The following THSD4 variants were observed in gnomAD, a reference collection of about 807,000 sequenced individuals.
THSD4 encodes the protein thrombospondin type 1 domain containing 4.
A neutral mutation model predicts 119.0 loss-of-function variants in THSD4; 69 were observed. That is an observed-to-expected ratio of 0.58 (90% CI 0.48 to 0.71). The LOEUF (loss-of-function observed/expected upper bound fraction) is 0.71. THSD4 is among the 30% of genes least tolerant of loss of function. THSD4 has a pLI of 0.00. For missense variants in THSD4, 1,393 were observed against 1,391.1 expected (o/e 1.00, Z -0.02); for synonymous variants, 524 against 540.4 (o/e 0.97, Z 0.42).
intron 6 of THSD4, among the ~76,000 whole-genome samples, chr15:71,374,586 A>G (rs1233617395): frequency 1.3e-5 from 2 of 152,190 alleles, no homozygotes; most frequent in Non-Finnish European, 2.9e-5. Flanking sequence ...CCTCTACCTC[A>G]TCAGAGCTCT....
At chr15:71,294,397 C>T (rs141441243) in intron 6 of THSD4, among the ~76,000 whole-genome samples, 7 of 152,262 alleles carry the variant, frequency 4.6e-5, no homozygotes, top group African/African-American at 9.6e-5. Context: ...CTGAGTTGGA[C>T]GGGTCCCTTC....
At position 71,755,979 on chromosome 15, in the gene THSD4, T is replaced by C. The variant is rs971195272; in HGVS notation, c.2416-1923T>C. On this transcript the variant is annotated intron_variant, in intron 14 of 17. Transcript: ENST00000261862. ...AGCCTTTTATGTGATCAGGGAATAA[T>C]AGCCACTCTGAGTCTGTCCAGAAGG... 5.3e-5 allele frequency among the ~76,000 whole-genome samples: 8 copies of C among 152,278 alleles called. No homozygotes were observed. In the South Asian group the frequency reaches 1.7e-3, roughly 32 times the overall value.
chr15:71,367,775 T>C (rs908181800), intron 6 of THSD4, among the ~76,000 whole-genome samples: 8 of 152,240 alleles, frequency 5.3e-5, no homozygotes, highest in Non-Finnish European at 8.8e-5. Context: ...GCAGCATGAT[T>C]GATAATGCTT....
intron 3 of THSD4, among the ~76,000 whole-genome samples, chr15:71,172,702 T>TATATATATATGTGAC (rs2043388036): frequency 9.7e-6 from 1 of 103,070 alleles, no homozygotes; most frequent in African/African-American, 5.0e-5. Flanking sequence ...TATATATATA[T>TATATATATATGTGAC]ATATATATAT....
chr15:71,191,282 G>A (rs1045449610), intron 3 of THSD4, among the ~76,000 whole-genome samples: 3 of 152,106 alleles, frequency 2.0e-5, no homozygotes, highest in African/African-American at 4.8e-5. Flanking sequence ...AACAGTGTCT[G>A]TAGAACTTCT....
intron 6 of THSD4, among the ~76,000 whole-genome samples, chr15:71,380,616 G>A (rs1379270277): frequency 6.6e-6 from 1 of 152,040 alleles, no homozygotes; most frequent in East Asian, 1.9e-4. Flanking sequence ...GGAACTTGAG[G>A]CAGTTCAATA....
chr15:71,572,701 C>A (rs1354734803), intron 7 of THSD4, among the ~76,000 whole-genome samples: 1 of 152,076 alleles, frequency 6.6e-6, no homozygotes. Context: ...TCTTAGGATT[C>A]TGTGTGTTTT....
intron 7 of THSD4, among the ~76,000 whole-genome samples, chr15:71,414,566 A>G (rs1243896935): frequency 6.6e-6 from 1 of 152,222 alleles, no homozygotes; most frequent in Non-Finnish European, 1.5e-5. Context: ...AAGAGCCAGA[A>G]ATATAAATAT....
In THSD4 at chr15:71,629,945, G is replaced by A. The variant is rs72742739; in HGVS notation, c.1153-30585G>A. 2.0e-3 allele frequency among the ~76,000 whole-genome samples: 303 copies of A among 152,246 alleles called. 4 individuals carry two copies. The highest frequency in any genetic ancestry group is 2.6e-3 in the Non-Finnish European group (174 of 68,018). ...AGGCGCCTTTGTACCCGCAAGCCAC[G>A]TGGCCAGGCCCTTGTGTGCTCAGAG... On this transcript the variant is annotated intron_variant, in intron 7 of 17. Coordinates refer to ENST00000261862, the MANE Select transcript of THSD4 (RefSeq NM_024817.3).
At chr15:71,441,933 A>G (rs2047100687) in intron 7 of THSD4, among the ~76,000 whole-genome samples, 1 of 152,070 alleles carries the variant, frequency 6.6e-6, no homozygotes, top group African/African-American at 2.4e-5. Flanking sequence ...GCTAAATGGT[A>G]GCCCTTGTTG....
chr15:71,416,267 T>C (rs2046758236), intron 7 of THSD4, among the ~76,000 whole-genome samples: 1 of 112,192 alleles, frequency 8.9e-6, no homozygotes, highest in African/African-American at 3.0e-5. Context: ...GACACTCAAG[T>C]TGATGCAAAT....
chr15:71,535,746 G>A (rs2048681322), intron 7 of THSD4, among the ~76,000 whole-genome samples: 1 of 152,116 alleles, frequency 6.6e-6, no homozygotes, highest in Non-Finnish European at 1.5e-5. Context: ...CTGGAGAAAT[G>A]TCTATTCAAA....
rs186727065 is a variant in THSD4 at position 71,368,845 on chromosome 15, G to A, written c.1016-42842G>A. 2.7e-3 allele frequency among the ~76,000 whole-genome samples: 410 copies of A among 152,266 alleles called. 2 individuals carry two copies. Among genetic ancestry groups the A allele is most frequent in the African/African-American group, 7.4e-3 (308 of 41,536 alleles). On this transcript the variant is annotated intron_variant, in intron 6 of 17. Transcript: ENST00000261862. Reference sequence around the variant, plus strand: ...AGAAAGTCATTGGTAGCTTGATGGGGATGGCACTGAGTCTATAAATTACCT... The same window carrying A: ...AGAAAGTCATTGGTAGCTTGATGGGAATGGCACTGAGTCTATAAATTACCT...
intron 6 of THSD4, among the ~76,000 whole-genome samples, chr15:71,257,665 C>T (rs1215782961): frequency 1.3e-5 from 2 of 152,076 alleles, no homozygotes; most frequent in African/African-American, 4.8e-5. Context: ...CCAAACTGTG[C>T]AAGGTGGTTC....
Position 71,215,173 on chromosome 15 carries a change from T to C in THSD4, c.238T>C (p.Cys80Arg). 7.3e-7 allele frequency: 1 copy of C among 1,374,250 alleles called. No individual in the cohort carries two copies. The highest frequency in any genetic ancestry group is 9.4e-7 in the Non-Finnish European group (1 of 1,064,610). The allele number at this position is 1,374,250 out of a possible 1,614,324, so 85.1% of individuals were successfully genotyped here. Reference protein sequence around the residue: ...SGGVMEQTRPCLPRSYRLRGG... With the variant: ...SGGVMEQTRPRLPRSYRLRGG... ...CGGCGTGATGGAGCAGACGCGGCCCTGCCTGCCCCGCTCCTACCGCCTGCG... is the reference window on the plus strand; with the variant it reads ...CGGCGTGATGGAGCAGACGCGGCCCCGCCTGCCCCGCTCCTACCGCCTGCG... Residue 80 changes from cysteine to arginine, a missense_variant, in exon 4 of 18, where the codon TGC becomes CGC. Coordinates refer to ENST00000261862, the MANE Select transcript of THSD4 (RefSeq NM_024817.3).
At chr15:71,667,629 C>T (rs1456971909) in intron 8 of THSD4, among the ~76,000 whole-genome samples, 2 of 152,194 alleles carry the variant, frequency 1.3e-5, no homozygotes, top group Non-Finnish European at 2.9e-5. Flanking sequence ...CATGGATCAT[C>T]TATAATTTGC....
chr15:71,307,361 T>C (rs1211590004), intron 6 of THSD4, among the ~76,000 whole-genome samples: 2 of 152,252 alleles, frequency 1.3e-5, no homozygotes, highest in East Asian at 1.9e-4. Flanking sequence ...GTGATTGATG[T>C]GTATGTTAAG....
chr15:71,703,344 GTTATTA>G (rs1039758110), intron 8 of THSD4, among the ~76,000 whole-genome samples: 3 of 152,112 alleles, frequency 2.0e-5, no homozygotes, highest in Non-Finnish European at 4.4e-5. Flanking sequence ...TAATTTTTCT[GTTATTA>G]TTATATGGCA....
chr15:71,647,378 C>T (rs1209790469), intron 7 of THSD4, among the ~76,000 whole-genome samples: 2 of 152,138 alleles, frequency 1.3e-5, no homozygotes, highest in African/African-American at 2.4e-5. Flanking sequence ...TGACAGATAA[C>T]CCTGTTCTTA....
Sources: allele counts gnomAD v4.1 joint callset (sites outside exome capture counted in the v4.1 genomes callset), GRCh38; gene constraint gnomAD v4.1.1; transcripts MANE v1.5; gene names NCBI Gene and HGNC (gene_info 2026-07-23, HGNC 2026-07-21).